The following DOCK5 variants were observed in gnomAD, a reference collection of about 807,000 sequenced individuals.
DOCK5 encodes the protein dedicator of cytokinesis protein 5.
Under a neutral mutation model 251.8 loss-of-function variants are expected in DOCK5, and 142 were observed. That is an observed-to-expected ratio of 0.56 (90% CI 0.49 to 0.65). The LOEUF (loss-of-function observed/expected upper bound fraction) is 0.65. Among genes scored for constraint, DOCK5 ranks in the 30% least tolerant of loss-of-function variants. DOCK5 has a pLI of 0.00. For synonymous variants in DOCK5, 842 were observed against 835.5 expected, an observed-to-expected ratio of 1.01 and a Z score of -0.13; for missense variants, 2,111 against 2,312.3, an observed-to-expected ratio of 0.91 and a Z score of 1.79.
chr8:25,199,380 C>CTTTTTTTTTT (rs564264937), intron 1 of DOCK5, among the ~76,000 whole-genome samples: 4 of 117,894 alleles, frequency 3.4e-5, no homozygotes, highest in Admixed American at 1.0e-4. Context: ...CCGCTCTGTT[C>CTTTTTTTTTT]TTTTTTTTTT....
intron 18 of DOCK5, among the ~76,000 whole-genome samples, chr8:25,330,510 G>T (rs962023436): frequency 6.6e-6 from 1 of 152,188 alleles, no homozygotes; most frequent in African/African-American, 2.4e-5. Context: ...ACCTGCCATG[G>T]TTGGGCTGTA....
intron 11 of DOCK5, among the ~76,000 whole-genome samples, chr8:25,305,733 TTGA>T (rs1466304172): frequency 1.1e-4 from 17 of 152,338 alleles, no homozygotes; most frequent in African/African-American, 3.4e-4. Flanking sequence ...ATTTTTTATC[TTGA>T]CCACACTTTA....
chr8:25,402,049 A>C (rs527749473), intron 47 of DOCK5, among the ~76,000 whole-genome samples: 1 of 152,178 alleles, frequency 6.6e-6, no homozygotes, highest in Admixed American at 6.5e-5. Flanking sequence ...GTGATGGTGT[A>C]ATACGTTCTA....
chr8:25,214,145 G>T (rs141381891), intron 1 of DOCK5, among the ~76,000 whole-genome samples: 6 of 152,126 alleles, frequency 3.9e-5, no homozygotes, highest in African/African-American at 1.4e-4. Flanking sequence ...TCATGGCAAC[G>T]CTCTAACAGT....
intron 1 of DOCK5, among the ~76,000 whole-genome samples, chr8:25,219,497 C>T (rs1802328354): frequency 6.6e-6 from 1 of 151,968 alleles, no homozygotes; most frequent in South Asian, 2.1e-4. Context: ...TTTGTCTTTC[C>T]CCTTCTTGGT....
At chr8:25,208,276 A>G (rs1042123972) in intron 1 of DOCK5, among the ~76,000 whole-genome samples, 1 of 152,268 alleles carries the variant, frequency 6.6e-6, no homozygotes, top group Non-Finnish European at 1.5e-5. Flanking sequence ...AGAATAATCC[A>G]TAAACTTGTT....
intron 48 of DOCK5, 31 bp downstream of exon 48, chr8:25,403,755 G>GGT: frequency 6.2e-7 from 1 of 1,610,654 alleles, no homozygotes; most frequent in South Asian, 1.1e-5. Context: ...CTGCAGGAAG[G>GGT]GTGGGGTAAC....
At chr8:25,374,365 C>A (rs1253937633) in intron 36 of DOCK5, among the ~76,000 whole-genome samples, 199 bp from the exon 37 acceptor site, 1 of 152,028 alleles carries the variant, frequency 6.6e-6, no homozygotes, top group African/African-American at 2.4e-5. Flanking sequence ...TTAGCCGGGC[C>A]TGGTGGCACG....
intron 7 of DOCK5, 104 bp downstream of exon 7, chr8:25,296,752 T>G: frequency 7.0e-7 from 1 of 1,427,470 alleles, no homozygotes; most frequent in Non-Finnish European, 9.5e-7. Context: ...ACTTCTGTAG[T>G]TTTCGTCCTC....
intron 13 of DOCK5, among the ~76,000 whole-genome samples, chr8:25,312,950 T>C (rs1805141677): frequency 6.6e-6 from 1 of 151,920 alleles, no homozygotes; most frequent in African/African-American, 2.4e-5. Flanking sequence ...AAAAAATTCA[T>C]CTAGAACAAT....
At chr8:25,348,762 C>T (rs773582917) in intron 26 of DOCK5, among the ~76,000 whole-genome samples, 15 of 151,520 alleles carry the variant, frequency 9.9e-5, no homozygotes, top group African/African-American at 2.7e-4. Flanking sequence ...CACTTGAACC[C>T]GGGAGGCAGA....
chr8:25,389,763 A>G (rs1210184202), intron 41 of DOCK5, among the ~76,000 whole-genome samples: 1 of 152,198 alleles, frequency 6.6e-6, no homozygotes, highest in Non-Finnish European at 1.5e-5. Context: ...TAGTAGAGAT[A>G]ACACATTCAA....
Position 25,364,709 on chromosome 8 carries a change from G to T in DOCK5, c.3123+5G>T, listed in dbSNP as rs747272807. 8.2e-6 allele frequency: 13 copies of T among 1,581,538 alleles called. No individual in the cohort carries two copies. The South Asian group carries it at 1.5e-4, about 18-fold the overall frequency. Reference sequence around the variant, plus strand: ...CAGGCAAGCTTTGAACTTCAGGTAGGCATGTGACTCACCTACCTGCTTCTA... The same window carrying T: ...CAGGCAAGCTTTGAACTTCAGGTAGTCATGTGACTCACCTACCTGCTTCTA... On this transcript the variant is annotated splice_donor_5th_base_variant and intron_variant, in intron 30 of 51. Transcript: ENST00000276440.
At chr8:25,185,686 A>C (rs991342508) in intron 1 of DOCK5, among the ~76,000 whole-genome samples, 1 of 152,058 alleles carries the variant, frequency 6.6e-6, no homozygotes, top group Non-Finnish European at 1.5e-5. Flanking sequence ...TTATTAAGGA[A>C]ACTGTGCCAG....
At position 25,290,555 on chromosome 8, in the gene DOCK5, T is replaced by C. The variant is rs555667102; in HGVS notation, c.322-1469T>C. ...AGTGAAACCAAGATTAACAGTTTAA[T>C]ATGTGGATGGTCTAACAATTGGGGA... On this transcript the variant is annotated intron_variant, in intron 5 of 51. Transcript: ENST00000276440. Among the ~76,000 whole-genome samples the C allele has an allele frequency of 2.6e-5, 4 of 152,344 alleles. No homozygotes were observed. In the East Asian group the frequency reaches 7.7e-4, roughly 29 times the overall value.
chr8:25,220,928 G>A (rs996166352), intron 1 of DOCK5, among the ~76,000 whole-genome samples: 4 of 152,044 alleles, frequency 2.6e-5, no homozygotes, highest in African/African-American at 7.2e-5. Context: ...TACAGGGGAT[G>A]AACTTTCCTG....
intron 22 of DOCK5, among the ~76,000 whole-genome samples, chr8:25,336,604 GGGAA>G (rs1410056952): frequency 6.6e-6 from 1 of 152,120 alleles, no homozygotes; most frequent in African/African-American, 2.4e-5. Context: ...TCAGGACTTG[GGGAA>G]GCAGATTCCT....
intron 44 of DOCK5, among the ~76,000 whole-genome samples, chr8:25,393,223 CT>C (rs939406263): frequency 2.6e-5 from 4 of 152,184 alleles, no homozygotes; most frequent in Admixed American, 6.5e-5. Context: ...CTGTTCTCTT[CT>C]TTTATTCTCT....
chr8:25,204,356 G>A lies in DOCK5; in HGVS notation c.43+19405G>A, dbSNP rs117967061. Among the ~76,000 whole-genome samples the A allele has an allele frequency of 4.5e-3, 685 of 152,238 alleles. 4 individuals carry two copies. Among genetic ancestry groups the A allele is most frequent in the Non-Finnish European group, 7.3e-3 (494 of 68,018 alleles). Reference sequence around the variant, plus strand: ...ATTGATCCCAGGATTAGGAAGTTGGGTTTGTATTTCAGTCTCTGTTACAGG... The same window carrying A: ...ATTGATCCCAGGATTAGGAAGTTGGATTTGTATTTCAGTCTCTGTTACAGG... On this transcript the variant is annotated intron_variant, in intron 1 of 51. Transcript: ENST00000276440.
Sources: allele counts gnomAD v4.1 joint callset (sites outside exome capture counted in the v4.1 genomes callset), GRCh38; gene constraint gnomAD v4.1.1; transcripts MANE v1.5; gene names NCBI Gene and HGNC (gene_info 2026-07-23, HGNC 2026-07-21).